The following TULP4 variants were observed in gnomAD, a reference collection of about 807,000 sequenced individuals.
TULP4 encodes tubby-related protein 4.
Under a neutral mutation model 129.0 loss-of-function variants are expected in TULP4, and 16 were observed. The ratio of observed to expected loss-of-function variants is 0.12; its 90% CI spans 0.08 to 0.19. The LOEUF (loss-of-function observed/expected upper bound fraction) is 0.19. Ranked by LOEUF, TULP4 falls within the 10% of genes least tolerant of loss-of-function variation. The probability of loss-of-function intolerance (pLI) is 1.00; values close to 1 mark genes in which losing one functional copy is unlikely to be tolerated. For synonymous variants in TULP4, 998 were observed against 854.0 expected (o/e 1.17, Z -2.94); for missense variants, 1,842 against 2,059.1 (o/e 0.89, Z 2.04).
chr6:158,432,661 G>A (rs546075919), intron 3 of TULP4, among the ~76,000 whole-genome samples: 1 of 152,276 alleles, frequency 6.6e-6, no homozygotes, highest in South Asian at 2.1e-4. Context: ...AGGAGATTGA[G>A]ACCATCCTGG....
At chr6:158,423,905 G>T (rs1475738086) in intron 2 of TULP4, among the ~76,000 whole-genome samples, 2 of 152,064 alleles carry the variant, frequency 1.3e-5, no homozygotes, top group Non-Finnish European at 2.9e-5. Flanking sequence ...CTCCCAAAGT[G>T]CTGGGATTAC....
chr6:158,236,414 G>A (rs536175036), intron 1 of TULP4, among the ~76,000 whole-genome samples: 90 of 152,246 alleles, frequency 5.9e-4, no homozygotes, highest in African/African-American at 2.0e-3. Flanking sequence ...AGAAAAATGG[G>A]CTAAGGACAT....
intron 1 of TULP4, among the ~76,000 whole-genome samples, chr6:158,345,641 A>G (rs1780286902): frequency 6.6e-6 from 1 of 152,242 alleles, no homozygotes; most frequent in African/African-American, 2.4e-5. Context: ...TTCAAAGGGC[A>G]AAAAACAGAA....
chr6:158,480,979 C>A (rs1779928470), intron 7 of TULP4, 76 bp from the exon 8 acceptor site: 6 of 1,362,434 alleles, frequency 4.4e-6, no homozygotes, highest in Non-Finnish European at 6.0e-6. Context: ...TTGACCTGCC[C>A]CCGTGCCCAC....
intron 1 of TULP4, among the ~76,000 whole-genome samples, chr6:158,364,675 G>C (rs1780881945): frequency 1.3e-5 from 2 of 152,084 alleles, no homozygotes; most frequent in Admixed American, 1.3e-4. Flanking sequence ...TAGTTTTCAA[G>C]GTTTTCTCTT....
In TULP4 at chr6:158,502,033, T is replaced by G; in HGVS notation, c.2370T>G (p.His790Gln). The change falls in exon 13 of 14, where the codon CAT becomes CAG. Residue 790 changes from histidine to glutamine, a missense_variant. His to Gln is a conservative substitution (Grantham distance 24). Coordinates refer to ENST00000367097, the MANE Select transcript of TULP4 (RefSeq NM_020245.5). ...QGPMQLSTVG[H>Q]GDRDHEHLQK... is the part of the protein sequence containing the mutation. ...CCATGCAGCTGTCCACGGTGGGCCA[T>G]GGAGACCGAGACCACGAACACCTGC... The G allele has an allele frequency of 6.2e-7, 1 of 1,612,974 alleles. No homozygotes were observed. The highest frequency in any genetic ancestry group is 8.5e-7 in the Non-Finnish European group (1 of 1,179,774).
Position 158,314,240 on chromosome 6 carries a change from A to C in TULP4, c.224A>C (p.Asn75Thr). The C allele has an allele frequency of 6.2e-7, 1 of 1,613,904 alleles. No homozygotes were observed. Among genetic ancestry groups the C allele is most frequent in the South Asian group, 1.1e-5 (1 of 91,074 alleles). ...RRDRSTPQRINFNLRGHNSEV... is the reference protein window; with the variant it reads ...RRDRSTPQRITFNLRGHNSEV... ...GACAGGAGTACTCCACAGAGGATAA[A>C]TTTCAACCTCCGGGGCCACAATAGC... The change falls in exon 1 of 14, where the codon AAT (asparagine) becomes ACT (threonine). Residue 75 changes from asparagine (N) to threonine (T), a missense_variant. Physicochemically the swap from Asn to Thr is moderately conservative, Grantham distance 65. Around this residue, in one of 5 missense-constraint regions of TULP4, gnomAD observed 151 missense variants for 268.7 expected, o/e 0.56. Transcript: ENST00000367097.
At chr6:158,272,084 T>C (rs1273633465) in intron 1 of TULP4, among the ~76,000 whole-genome samples, 1 of 152,192 alleles carries the variant, frequency 6.6e-6, no homozygotes, top group African/African-American at 2.4e-5. Context: ...TTGCTGAGCA[T>C]ACACTGTCAC....
intron 6 of TULP4, among the ~76,000 whole-genome samples, chr6:158,470,675 A>G (rs1779660381): frequency 1.3e-5 from 2 of 152,254 alleles, no homozygotes; most frequent in African/African-American, 4.8e-5. Flanking sequence ...CAAGAGAACA[A>G]CAGTTGAAAG....
chr6:158,270,625 A>G lies in TULP4; in HGVS notation n.68+38322A>G, dbSNP rs533028409. Among the ~76,000 whole-genome samples, 7 of 152,308 alleles carry G rather than the reference A, an allele frequency of 4.6e-5. No homozygotes were observed. The East Asian group carries it at 1.2e-3, about 25-fold the overall frequency. On this transcript the variant is annotated intron_variant and non_coding_transcript_variant, in intron 1 of 1. Coordinates refer to the TULP4 transcript ENST00000620026. ...GGCTGCTTTCCTGGTTTGACACTGC[A>G]CTTTAGACTATTGCAGCTAAAATTA...
chr6:158,244,409 T>A (rs544251860), intron 1 of TULP4, among the ~76,000 whole-genome samples: 1 of 152,094 alleles, frequency 6.6e-6, no homozygotes, highest in African/African-American at 2.4e-5. Flanking sequence ...AGTGTTTGAG[T>A]CCCCCTACCC....
intron 1 of TULP4, among the ~76,000 whole-genome samples, chr6:158,397,689 C>T (rs774905182): frequency 4.9e-4 from 75 of 152,194 alleles, no homozygotes; most frequent in Non-Finnish European, 9.0e-4. Context: ...CTCTCCCACT[C>T]ATGTGCCTGA....
At chr6:158,265,709 A>G (rs1169511982) in intron 1 of TULP4, among the ~76,000 whole-genome samples, 3 of 152,122 alleles carry the variant, frequency 2.0e-5, no homozygotes, top group African/African-American at 4.8e-5. Flanking sequence ...ATTTTGGCTC[A>G]AGTAAGGCAA....
At chr6:158,305,495 T>C (rs1430302555) in intron 1 of TULP4, among the ~76,000 whole-genome samples, 1 of 150,432 alleles carries the variant, frequency 6.6e-6, no homozygotes, top group African/African-American at 2.5e-5. Flanking sequence ...AGCCCAGGAG[T>C]TTGAGACCAG....
At chr6:158,450,035 G>A (rs1012855689) in intron 4 of TULP4, among the ~76,000 whole-genome samples, 5 of 152,066 alleles carry the variant, frequency 3.3e-5, no homozygotes, top group East Asian at 1.9e-4. Flanking sequence ...CAATATCCTC[G>A]TTCTAGGTAT....
rs1780542178 is a variant in TULP4 at position 158,504,123 on chromosome 6, G to A, written c.4460G>A (p.Gly1487Glu). ...CAGGTCTACCAGCTGGACTTCGGGG[G>A]GCGGGTGACCCAGGAGTCCGCCAAG... Reference protein sequence around the residue: ...ATQVYQLDFGGRVTQESAKNF... With the variant: ...ATQVYQLDFGERVTQESAKNF... The change falls in exon 13 of 14, where the codon GGG becomes GAG. Residue 1487 changes from glycine (G) to glutamate (E), a missense_variant. Coordinates refer to ENST00000367097, the MANE Select transcript of TULP4 (RefSeq NM_020245.5). 3.1e-6 allele frequency: 5 copies of A among 1,608,578 alleles called. No homozygotes were observed. The highest frequency in any genetic ancestry group is 4.2e-6 in the Non-Finnish European group (5 of 1,177,954).
rs769640794 is a variant in TULP4, at chr6:158,503,938, C to T, written c.4275C>T (p.Gly1425=). 1 of 1,613,782 alleles carries T rather than the reference C, an allele frequency of 6.2e-7. No homozygotes were observed. The highest frequency in any genetic ancestry group is 8.5e-7 in the Non-Finnish European group (1 of 1,179,838). ...SGDELMNQSQ[G]SRKGWKSKRS... ...ATGAGCTCATGAACCAGAGCCAGGG[C>T]AGCAGAAAGGGCTGGAAAAGCAAGC... The change falls in exon 13 of 14, where the codon GGC becomes GGT. Residue 1425 remains glycine, a synonymous_variant. Coordinates refer to ENST00000367097, the MANE Select transcript of TULP4 (RefSeq NM_020245.5). The surrounding 1 kb of genome is among the most constrained non-coding windows in gnomAD (Gnocchi z 4.3).
At chr6:158,346,201 C>T (rs184807870) in intron 1 of TULP4, among the ~76,000 whole-genome samples, 1 of 152,180 alleles carries the variant, frequency 6.6e-6, no homozygotes. Flanking sequence ...ACAGTTAACA[C>T]AGTTATCACA....
intron 1 of TULP4, among the ~76,000 whole-genome samples, chr6:158,290,279 G>C (rs1037028070): frequency 3.9e-5 from 6 of 152,166 alleles, no homozygotes; most frequent in Admixed American, 1.3e-4. Context: ...CCTGATGATA[G>C]TGATGTGGAG....
Sources: gnomAD v4.1 joint callset for allele counts (sites outside exome capture counted in the v4.1 genomes callset) on GRCh38, gnomAD v4.1.1 for gene constraint, gnomAD v4.1.1 regional missense constraint, Gnocchi (gnomAD v3.1) non-coding constraint, MANE v1.5 for transcripts, NCBI Gene and HGNC (gene_info 2026-07-23, HGNC 2026-07-21) for gene names.